Variants in DNAJB1 observed in about 807,000 individuals in gnomAD.
DNAJB1 encodes DnaJ heat shock protein family (Hsp40) member B1.
A neutral mutation model predicts 24.0 loss-of-function variants in DNAJB1; 14 were observed. That is an observed-to-expected ratio of 0.58 (90% confidence interval 0.39 to 0.91). DNAJB1 has a LOEUF of 0.91. DNAJB1 is among the 40% of genes least tolerant of loss of function. The pLI, the probability that DNAJB1 is intolerant of heterozygous loss-of-function variation, is 0.00. For synonymous variants in DNAJB1, 262 were observed against 174.4 expected (o/e 1.50, Z -3.96); for missense variants, 517 against 458.1 (o/e 1.13, Z -1.17).
intron 1 of DNAJB1, among the ~76,000 whole-genome samples, chr19:14,536,322 T>G (rs1370408769): frequency 6.7e-6 from 1 of 149,132 alleles, no homozygotes; most frequent in East Asian, 2.0e-4. Context: ...CAGGCTGGAG[T>G]GCAGTGGTGC....
Position 14,516,119 on chromosome 19 carries a change from G to C in DNAJB1, c.844C>G (p.Pro282Ala), listed in dbSNP as rs1248373954. The change falls in exon 3 of 3, where the codon CCC becomes GCC. Residue 282 changes from proline to alanine, a missense_variant. Physicochemically the swap from Pro to Ala is conservative, Grantham distance 27. Transcript: ENST00000254322. ...CTGATAACATCTTTGAATACGACGG[G>C]TATCGTCCTGCCGTCCAGAGTGGGG... ...NVPTLDGRTI[P>A]VVFKDVIRPG... is the part of the protein sequence containing the mutation. The C allele has an allele frequency of 1.2e-6, 2 of 1,613,484 alleles. No individual in the cohort carries two copies. The highest frequency in any genetic ancestry group is 1.7e-6 in the Non-Finnish European group (2 of 1,179,878).
chr19:14,528,085 CGTT>C (rs1486433190), intron 1 of DNAJB1, among the ~76,000 whole-genome samples: 2 of 151,228 alleles, frequency 1.3e-5, no homozygotes, highest in South Asian at 2.1e-4. Flanking sequence ...GGTTTCACCA[CGTT>C]GTCCAGGCTG....
upstream of DNAJB1, chr19:14,518,487 C>T (rs1450875627): frequency 3.1e-6 from 2 of 636,888 alleles, no homozygotes; most frequent in African/African-American, 3.8e-5. Flanking sequence ...CCCCGCCCGC[C>T]CCCGCGGCGC....
upstream of DNAJB1, among the ~76,000 whole-genome samples, chr19:14,522,487 GAAAAAAAAAAA>G (rs60019206): frequency 2.2e-4 from 13 of 59,248 alleles, no homozygotes; most frequent in African/African-American, 6.2e-4. Context: ...CTGTCTCGAA[GAAAAAAAAAAA>G]AAAAAAAAAG....
chr19:14,526,044 C>T (rs1291000850), intron 2 of DNAJB1, among the ~76,000 whole-genome samples: 3 of 152,280 alleles, frequency 2.0e-5, no homozygotes, highest in Admixed American at 6.6e-5. Context: ...ATGGGAAATA[C>T]AAAAGGAGCT....
In DNAJB1 at chr19:14,515,781, G is replaced by A. The variant is rs1280995384; in HGVS notation, c.*159C>T. On this transcript the variant is annotated 3_prime_UTR_variant, in exon 3 of 3. Coordinates refer to ENST00000254322, the MANE Select transcript of DNAJB1 (RefSeq NM_006145.3). Reference sequence around the variant, plus strand: ...GAAAAACCACTGAAGTCTAGTGTGCGACTTTGAAAGATTGTAATATATGCT... The same window carrying A: ...GAAAAACCACTGAAGTCTAGTGTGCAACTTTGAAAGATTGTAATATATGCT... The A allele has an allele frequency of 7.2e-6, 5 of 693,898 alleles. No homozygotes were observed. Among genetic ancestry groups the A allele is most frequent in the Admixed American group, 3.3e-5 (1 of 30,568 alleles). 43.0% of individuals were successfully genotyped at this position (693,898 alleles called of 1,614,324 possible). A position where few individuals can be genotyped will look rare whatever the true frequency, so the allele number is the denominator to read the frequency against.
At chr19:14,534,883 C>T (rs1023567541) in intron 1 of DNAJB1, among the ~76,000 whole-genome samples, 2 of 152,208 alleles carry the variant, frequency 1.3e-5, no homozygotes, top group African/African-American at 4.8e-5. Context: ...TTGTCAGACT[C>T]CAGTTTTGTC....
chr19:14,533,161 C>T (rs1321142033), upstream of DNAJB1, among the ~76,000 whole-genome samples: 1 of 151,602 alleles, frequency 6.6e-6, no homozygotes, highest in African/African-American at 2.4e-5. Context: ...TGGCTCATGC[C>T]TGTAATCCCA....
chr19:14,545,315 C>A (rs1195848914), intron 1 of DNAJB1: 4 of 410,878 alleles, frequency 9.7e-6, no homozygotes, highest in Non-Finnish European at 2.0e-5. Flanking sequence ...CCTTTGCATT[C>A]CCCGCCAGGG....
chr19:14,523,959 T>G (rs2072390348), intron 2 of DNAJB1, among the ~76,000 whole-genome samples: 1 of 152,138 alleles, frequency 6.6e-6, no homozygotes. Flanking sequence ...GCCAAGCCTG[T>G]TCCAAGTACT....
chr19:14,520,842 A>T (rs547340184), upstream of DNAJB1, among the ~76,000 whole-genome samples: 299 of 152,166 alleles, frequency 2.0e-3, no homozygotes, highest in African/African-American at 7.0e-3. Flanking sequence ...AAATAAAAAA[A>T]ATTAGCCGGG....
intron 1 of DNAJB1, among the ~76,000 whole-genome samples, chr19:14,536,165 G>A (rs1196427508): frequency 1.3e-5 from 2 of 152,142 alleles, no homozygotes; most frequent in Non-Finnish European, 1.5e-5. Context: ...TCCTGGGAAG[G>A]TGGCAATGCT....
chr19:14,558,607 T>C (rs10412426), intron 1 of DNAJB1, among the ~76,000 whole-genome samples: 78,347 of 151,974 alleles, frequency 0.52, 20,916 homozygotes, highest in African/African-American at 0.66. Flanking sequence ...CAGGCCAGAG[T>C]GCCTGCCTGT....
intron 1 of DNAJB1, chr19:14,517,526 A>T (rs773159939): frequency 9.6e-5 from 15 of 155,576 alleles, no homozygotes; most frequent in Non-Finnish European, 1.4e-4. Context: ...TCAGCTCCAG[A>T]TCAAGCCCAG....
At chr19:14,525,857 G>A (rs890486987) in intron 2 of DNAJB1, among the ~76,000 whole-genome samples, 1 of 151,890 alleles carries the variant, frequency 6.6e-6, no homozygotes, top group African/African-American at 2.4e-5. Flanking sequence ...GACAGGATAG[G>A]GCTTGGGAAA....
At chr19:14,529,600 T>G (rs1163532021), upstream of DNAJB1, 8 of 1,588,980 alleles carry the variant, frequency 5.0e-6, no homozygotes, top group East Asian at 4.5e-5. Context: ...CCGCGTTTAG[T>G]CTATCGCTGC....
upstream of DNAJB1, among the ~76,000 whole-genome samples, chr19:14,553,768 A>T (rs1228097908): frequency 6.6e-6 from 1 of 152,002 alleles, no homozygotes; most frequent in Non-Finnish European, 1.5e-5. Context: ...CAGGCCTCCG[A>T]CCTCTATGCT....
chr19:14,544,299 C>G (rs1025317374), intron 1 of DNAJB1, among the ~76,000 whole-genome samples: 22 of 152,074 alleles, frequency 1.4e-4, no homozygotes, highest in Non-Finnish European at 7.4e-5. Context: ...GTGTAAGCCC[C>G]TGGCTCTCCC....
chr19:14,537,466 A>G (rs1183379600), intron 1 of DNAJB1, among the ~76,000 whole-genome samples: 1 of 152,036 alleles, frequency 6.6e-6, no homozygotes, highest in East Asian at 1.9e-4. Flanking sequence ...GAGGGTTGAC[A>G]GCCTTGAGTG....
Sources: gnomAD v4.1 joint callset for allele counts (sites outside exome capture counted in the v4.1 genomes callset) on GRCh38, gnomAD v4.1.1 for gene constraint, MANE v1.5 for transcripts, NCBI Gene and HGNC (gene_info 2026-07-23, HGNC 2026-07-21) for gene names.